Variants in BBS9 observed in about 807,000 individuals in gnomAD.
BBS9 encodes the protein Bardet-Biedl syndrome 9.
Under a neutral mutation model 117.7 loss-of-function variants are expected in BBS9, and 89 were observed. The observed-to-expected ratio is 0.76, with a 90% CI of 0.64 to 0.90. The LOEUF (loss-of-function observed/expected upper bound fraction) is 0.90, where lower values mean the gene tolerates loss of function less well. Among genes scored for constraint, BBS9 ranks in the 40% least tolerant of loss-of-function variants. The pLI is 0.00. For synonymous variants in BBS9, 379 were observed against 370.9 expected (o/e 1.02, Z -0.25); for missense variants, 982 against 1,042.2 (o/e 0.94, Z 0.80).
At chr7:33,421,506 C>G (rs759920686) in intron 19 of BBS9, among the ~76,000 whole-genome samples, 6 of 152,024 alleles carry the variant, frequency 3.9e-5, no homozygotes, top group African/African-American at 1.4e-4. Flanking sequence ...TCCATGAGAA[C>G]GTTTTAACCA....
chr7:33,551,687 T>C (rs1218854481), intron 21 of BBS9, among the ~76,000 whole-genome samples: 1 of 152,170 alleles, frequency 6.6e-6, no homozygotes, highest in Non-Finnish European at 1.5e-5. Context: ...ATTTATTATG[T>C]TCTGGCAGGG....
At chr7:33,261,556 A>G (rs1797986027) in intron 6 of BBS9, among the ~76,000 whole-genome samples, 1 of 152,218 alleles carries the variant, frequency 6.6e-6, no homozygotes, top group South Asian at 2.1e-4. Context: ...TGGGTTACAT[A>G]TCAAGGTTCC....
chr7:33,232,980 A>T (rs910932078), intron 5 of BBS9, among the ~76,000 whole-genome samples: 2 of 152,162 alleles, frequency 1.3e-5, no homozygotes, highest in African/African-American at 2.4e-5. Flanking sequence ...TAAACCCATA[A>T]TTCTATTACA....
At chr7:33,217,912 A>C (rs951824202) in intron 5 of BBS9, among the ~76,000 whole-genome samples, 1 of 152,244 alleles carries the variant, frequency 6.6e-6, no homozygotes, top group Non-Finnish European at 1.5e-5. Flanking sequence ...CATTAAAAAA[A>C]CCATTATTCA....
chr7:33,277,076 TC>T, intron 9 of BBS9: 1 of 223,774 alleles, frequency 4.5e-6, no homozygotes. Flanking sequence ...TTGGCCTTCT[TC>T]CCATTGTCAT....
intron 21 of BBS9, among the ~76,000 whole-genome samples, chr7:33,539,032 TAA>T (rs1370809479): frequency 1.3e-5 from 2 of 152,230 alleles, no homozygotes; most frequent in African/African-American, 4.8e-5. Flanking sequence ...AAATTCTCAC[TAA>T]GTGTGAGCTT....
intron 5 of BBS9, among the ~76,000 whole-genome samples, chr7:33,191,722 CTT>C (rs1784151328): frequency 1.3e-5 from 2 of 152,110 alleles, no homozygotes; most frequent in African/African-American, 4.8e-5. Flanking sequence ...TAATTGAGTG[CTT>C]TGCAAAATCA....
intron 6 of BBS9, among the ~76,000 whole-genome samples, chr7:33,259,511 T>C (rs1366257041): frequency 6.6e-6 from 1 of 152,172 alleles, no homozygotes; most frequent in Non-Finnish European, 1.5e-5. Flanking sequence ...ATTTTTCTTT[T>C]TGAAGTAAGA....
intron 19 of BBS9, among the ~76,000 whole-genome samples, chr7:33,495,243 G>A (rs1844549072): frequency 6.6e-6 from 1 of 151,994 alleles, no homozygotes. Flanking sequence ...TGCCTTTTTG[G>A]GAGCATGCCC....
At chr7:33,314,554 T>C in intron 9 of BBS9, 1 of 160,896 alleles carries the variant, frequency 6.2e-6, no homozygotes, top group South Asian at 1.8e-4. Context: ...TATGGGCAAT[T>C]AAAGAGTTTT....
intron 10 of BBS9, among the ~76,000 whole-genome samples, chr7:33,339,959 A>G (rs559948166): frequency 2.6e-5 from 4 of 151,646 alleles, no homozygotes; most frequent in African/African-American, 4.8e-5. Flanking sequence ...TAGGTAGCCA[A>G]TAGTTTGATA....
At chr7:33,575,664 A>G (rs1209972004) in intron 21 of BBS9, among the ~76,000 whole-genome samples, 2 of 152,208 alleles carry the variant, frequency 1.3e-5, no homozygotes, top group African/African-American at 4.8e-5. Context: ...TCAATAAAAT[A>G]CTGGCAAACG....
chr7:33,612,571 CATTT>C (rs1864934407), intron 21 of BBS9, among the ~76,000 whole-genome samples: 2 of 151,988 alleles, frequency 1.3e-5, no homozygotes, highest in African/African-American at 2.4e-5. Flanking sequence ...CTTTGTCCTT[CATTT>C]GAGTCCCTCC....
intron 20 of BBS9, among the ~76,000 whole-genome samples, chr7:33,516,514 G>A (rs57898744): frequency 0.27 from 36,589 of 137,942 alleles, 5,631 homozygotes; most frequent in East Asian, 0.52. Context: ...AAAAAAAAGA[G>A]TTGATGGAAC....
At chr7:33,319,278 C>A (rs1047408690) in intron 9 of BBS9, among the ~76,000 whole-genome samples, 1 of 151,854 alleles carries the variant, frequency 6.6e-6, no homozygotes, top group South Asian at 2.1e-4. Flanking sequence ...ACCACAGTTT[C>A]TTTATCCACT....
chr7:33,522,277 G>A (rs1848740260), intron 20 of BBS9, among the ~76,000 whole-genome samples: 1 of 152,016 alleles, frequency 6.6e-6, no homozygotes, highest in Admixed American at 6.6e-5. Flanking sequence ...TCGGATTGTT[G>A]GGTCAAATGG....
intron 4 of BBS9, among the ~76,000 whole-genome samples, chr7:33,170,120 G>A (rs1019858030): frequency 6.6e-6 from 1 of 151,660 alleles, no homozygotes; most frequent in Admixed American, 6.6e-5. Flanking sequence ...GCATCATTCT[G>A]ATACCAAAGC....
chr7:33,272,906 A>T, intron 7 of BBS9, 106 bp from the exon 8 acceptor site: 1 of 1,103,602 alleles, frequency 9.1e-7, no homozygotes. Context: ...GCCCATCTTT[A>T]TATTTCTGCT....
intron 10 of BBS9, among the ~76,000 whole-genome samples, chr7:33,337,872 C>A (rs1188990938): frequency 6.6e-6 from 1 of 151,946 alleles, no homozygotes; most frequent in African/African-American, 2.4e-5. Context: ...AATAATATGG[C>A]TTTCATTTCA....
Sources: gnomAD v4.1 joint callset for allele counts (sites outside exome capture counted in the v4.1 genomes callset) on GRCh38, gnomAD v4.1.1 for gene constraint, MANE v1.5 for transcripts, NCBI Gene and HGNC (gene_info 2026-07-23, HGNC 2026-07-21) for gene names.